The following CUL3 variants were observed in gnomAD, a reference collection of about 807,000 sequenced individuals.
CUL3 encodes cullin-3.
A neutral mutation model predicts 89.1 loss-of-function variants in CUL3; 19 were observed. The observed-to-expected ratio is 0.21, with a 90% CI of 0.15 to 0.31. The LOEUF (loss-of-function observed/expected upper bound fraction) is 0.31. Ranked by LOEUF, CUL3 falls within the 10% of genes least tolerant of loss-of-function variation. The pLI is 1.00. For missense variants in CUL3, 469 were observed against 942.3 expected (o/e 0.50, Z 6.58); for synonymous variants, 351 against 308.4 (o/e 1.14, Z -1.45).
At chr2:224,508,497 ATGT>A (rs1173693948) in intron 6 of CUL3, among the ~76,000 whole-genome samples, 2 of 152,108 alleles carry the variant, frequency 1.3e-5, no homozygotes, top group Non-Finnish European at 2.9e-5. Context: ...TTTCAATCCT[ATGT>A]TGTTGTAAGT....
In CUL3 at chr2:224,506,886, TCTC is replaced by T. The variant is rs1692622881; in HGVS notation, c.998_1000del (p.Gly333del). ...GATATAGTCAACAGGATTCTTTCCT[TCTC>T]CTTCTTCAGAAACAAGAGCTTTACC... On this transcript the variant is annotated inframe_deletion, in exon 7 of 16. Transcript: ENST00000264414. 4 of 1,613,604 alleles carry T rather than the reference TCTC, an allele frequency of 2.5e-6. No individual in the cohort carries two copies. The highest frequency in any genetic ancestry group is 3.4e-6 in the Non-Finnish European group (4 of 1,179,738).
At chr2:224,513,294 T>C (rs182832360) in intron 5 of CUL3, among the ~76,000 whole-genome samples, 1 of 152,296 alleles carries the variant, frequency 6.6e-6, no homozygotes, top group African/African-American at 2.4e-5. Context: ...GGGTCATCTC[T>C]GTTATTTTAA....
chr2:224,555,736 C>A (rs1694674492), intron 2 of CUL3, among the ~76,000 whole-genome samples: 1 of 152,190 alleles, frequency 6.6e-6, no homozygotes, highest in Non-Finnish European at 1.5e-5. Context: ...TTCCACCACA[C>A]TGTTCATATA....
At chr2:224,553,914 G>T (rs1559215632) in intron 2 of CUL3, among the ~76,000 whole-genome samples, 1 of 152,092 alleles carries the variant, frequency 6.6e-6, no homozygotes, top group African/African-American at 2.4e-5. Flanking sequence ...CTTAAATATG[G>T]GACCACTTTA....
intron 2 of CUL3, 71 bp downstream of exon 2, chr2:224,557,588 A>T: frequency 9.4e-7 from 1 of 1,062,024 alleles, no homozygotes; most frequent in Non-Finnish European, 1.4e-6. Context: ...CTTCCGGTCA[A>T]AGTGCAATAT....
chr2:224,474,444 T>TA, intron 15 of CUL3, 68 bp from the exon 16 acceptor site: 3 of 1,336,450 alleles, frequency 2.2e-6, no homozygotes, highest in Non-Finnish European at 3.1e-6. Flanking sequence ...ACAGAACTGA[T>TA]ATGTCATTTT....
At chr2:224,507,256 A>G (rs1692637564) in intron 6 of CUL3, among the ~76,000 whole-genome samples, 1 of 152,188 alleles carries the variant, frequency 6.6e-6, no homozygotes, top group Non-Finnish European at 1.5e-5. Flanking sequence ...GTCCTAGCAA[A>G]TTTAAATTTA....
rs780690634 is a variant in CUL3, at chr2:224,514,667, G to A, written c.484C>T (p.Arg162Trp). Residue 162 changes from arginine (R) to tryptophan (W), a missense_variant, in exon 4 of 16, where the codon CGG becomes TGG. Arg to Trp is a moderately radical substitution (Grantham distance 101, BLOSUM62 -3). Around this residue, in one of 4 missense-constraint regions of CUL3, gnomAD observed 370 missense variants for 733.2 expected, o/e 0.50. Transcript: ENST00000264414. Reference sequence around the variant, plus strand: ...GCAATCATATCCAATAGAGTTTGCCGTAGATGATCCCTAATACACCCATAA... The same window carrying A: ...GCAATCATATCCAATAGAGTTTGCCATAGATGATCCCTAATACACCCATAA... ...VRYGCIRDHL[R>W]QTLLDMIARE... The A allele has an allele frequency of 5.0e-6, 8 of 1,613,646 alleles. No individual in the cohort carries two copies. The highest frequency in any genetic ancestry group is 1.3e-5 in the African/African-American group (1 of 75,012).
chr2:224,565,550 TTAAG>T (rs1353521223), intron 1 of CUL3, among the ~76,000 whole-genome samples: 1 of 152,254 alleles, frequency 6.6e-6, no homozygotes, highest in Non-Finnish European at 1.5e-5. Context: ...ACTGTTTGTT[TTAAG>T]TTTCAGTGCC....
chr2:224,519,560 T>C (rs368634165), intron 3 of CUL3, among the ~76,000 whole-genome samples: 3 of 152,312 alleles, frequency 2.0e-5, no homozygotes, highest in African/African-American at 4.8e-5. Flanking sequence ...AATTTCATTA[T>C]AGATAAAAAA....
chr2:224,576,463 G>C (rs1387945781), intron 1 of CUL3, among the ~76,000 whole-genome samples: 1 of 152,140 alleles, frequency 6.6e-6, no homozygotes, highest in Non-Finnish European at 1.5e-5. Context: ...TACATCTTAA[G>C]ACTTCACTTA....
intron 3 of CUL3, among the ~76,000 whole-genome samples, chr2:224,534,676 G>A (rs1364273602): frequency 1.3e-5 from 2 of 151,988 alleles, no homozygotes; most frequent in African/African-American, 4.8e-5. Context: ...CACTAAGTAT[G>A]TGAACAATTA....
At chr2:224,498,421 C>T (rs1005653057) in intron 11 of CUL3, among the ~76,000 whole-genome samples, 4 of 152,126 alleles carry the variant, frequency 2.6e-5, no homozygotes, top group African/African-American at 9.7e-5. Flanking sequence ...AAAGCCTGAG[C>T]CACTCTGTGG....
rs1691393758 is a variant in CUL3 at position 224,478,193 on chromosome 2, T to TC, written c.2175+6dup. The TC allele has an allele frequency of 6.2e-7, 1 of 1,609,400 alleles. No homozygotes were observed. The highest frequency in any genetic ancestry group is 8.5e-7 in the Non-Finnish European group (1 of 1,177,354). ...TCTATATTAGCCCAGTAGTGAAGAG[T>TC]CCTCACCTCCGCTACTAGAACATTG... On this transcript the variant is annotated splice_region_variant and intron_variant, in intron 15 of 15. Coordinates refer to ENST00000264414, the MANE Select transcript of CUL3 (RefSeq NM_003590.5).
At chr2:224,568,121 T>A (rs1695090561) in intron 1 of CUL3, among the ~76,000 whole-genome samples, 1 of 152,224 alleles carries the variant, frequency 6.6e-6, no homozygotes, top group African/African-American at 2.4e-5. Context: ...ACATATCTTC[T>A]GAACACAGCT....
chr2:224,581,110 C>A (rs1159493325), intron 1 of CUL3, among the ~76,000 whole-genome samples: 9 of 152,092 alleles, frequency 5.9e-5, no homozygotes, highest in Non-Finnish European at 1.3e-4. Context: ...AAAAACAGAA[C>A]TATTGGCCGG....
intron 1 of CUL3, among the ~76,000 whole-genome samples, chr2:224,570,728 T>G (rs747526279): frequency 6.6e-5 from 10 of 152,272 alleles, no homozygotes; most frequent in Middle Eastern, 3.4e-3. Context: ...CGACATTCAA[T>G]TGGGCTCTAG....
intron 2 of CUL3, among the ~76,000 whole-genome samples, chr2:224,542,700 T>C (rs946736006): frequency 3.9e-5 from 6 of 152,176 alleles, no homozygotes; most frequent in African/African-American, 7.2e-5. Flanking sequence ...TGAGTCACCG[T>C]GTCTGGCCTA....
At position 224,485,944 on chromosome 2, in the gene CUL3, TC is replaced by T. The variant is rs1691704526; in HGVS notation, c.1843-3867del. ...CAGCAATCTTTGCTGTTCTGCAGCC[TC>T]CACTGGTGATACGTAGGTGAACAGG... On this transcript the variant is annotated intron_variant, in intron 13 of 15. Coordinates refer to ENST00000264414, the MANE Select transcript of CUL3 (RefSeq NM_003590.5). This position sits in a 1 kb window ranked among gnomAD's most constrained non-coding sequence, Gnocchi z 4.1. Among the ~76,000 whole-genome samples the T allele has an allele frequency of 6.6e-6, 1 of 152,222 alleles. No individual in the cohort carries two copies.
Sources: allele counts gnomAD v4.1 joint callset (sites outside exome capture counted in the v4.1 genomes callset), GRCh38; gene constraint gnomAD v4.1.1; regional missense constraint gnomAD v4.1.1; non-coding constraint Gnocchi (gnomAD v3.1); transcripts MANE v1.5; gene names NCBI Gene and HGNC (gene_info 2026-07-23, HGNC 2026-07-21).